Variants in GRID2 observed in about 807,000 individuals in gnomAD.
The protein encoded by GRID2 is glutamate receptor ionotropic, delta-2.
GRID2 carries 33 observed loss-of-function variants against 114.8 expected under a neutral mutation model. That is an observed-to-expected ratio of 0.29 (90% CI 0.22 to 0.38). GRID2 has a LOEUF of 0.38. Ranked by LOEUF, GRID2 falls within the 10% of genes least tolerant of loss-of-function variation. The pLI is 1.00. For synonymous variants in GRID2, 505 were observed against 449.9 expected, an observed-to-expected ratio of 1.12 and a Z score of -1.55; for missense variants, 1,184 against 1,257.7, an observed-to-expected ratio of 0.94 and a Z score of 0.89.
chr4:92,449,804 T>C (rs917455229), intron 1 of GRID2, among the ~76,000 whole-genome samples: 2 of 150,598 alleles, frequency 1.3e-5, no homozygotes, highest in African/African-American at 4.9e-5. Context: ...AATTTTTAAG[T>C]CATGGCTTTA....
At chr4:93,602,780 G>A (rs551158298) in intron 13 of GRID2, among the ~76,000 whole-genome samples, 1 of 152,342 alleles carries the variant, frequency 6.6e-6, no homozygotes, top group African/African-American at 2.4e-5. Context: ...AGAGTCACAT[G>A]TGAGGAAGAC....
At chr4:92,738,469 G>C (rs1002130185) in intron 2 of GRID2, among the ~76,000 whole-genome samples, 5 of 151,970 alleles carry the variant, frequency 3.3e-5, no homozygotes, top group African/African-American at 1.2e-4. Flanking sequence ...TTATGTGTTG[G>C]CTAGGTAACG....
At chr4:93,265,183 A>G (rs1277455872) in intron 8 of GRID2, among the ~76,000 whole-genome samples, 9 of 152,110 alleles carry the variant, frequency 5.9e-5, no homozygotes, top group Non-Finnish European at 8.8e-5. Flanking sequence ...TTTAAAGCTC[A>G]TTTGTCAAAT....
intron 1 of GRID2, among the ~76,000 whole-genome samples, chr4:92,344,348 G>A (rs147261614): frequency 1.6e-4 from 25 of 152,188 alleles, no homozygotes; most frequent in African/African-American, 5.3e-4. Context: ...CTGTGAAAGG[G>A]CTTAGAAATT....
chr4:92,829,860 CT>C (rs1367550623), intron 2 of GRID2, among the ~76,000 whole-genome samples: 1 of 151,932 alleles, frequency 6.6e-6, no homozygotes, highest in African/African-American at 2.4e-5. Context: ...CATGTTCTCA[CT>C]GATAAGTTGG....
intron 13 of GRID2, among the ~76,000 whole-genome samples, chr4:93,520,990 C>T (rs964192347): frequency 1.3e-4 from 20 of 151,878 alleles, no homozygotes; most frequent in Non-Finnish European, 2.5e-4. Flanking sequence ...TGACATGAGG[C>T]GGGGGTGGAC....
chr4:92,990,864 G>A (rs1754858027), intron 2 of GRID2, among the ~76,000 whole-genome samples: 1 of 151,994 alleles, frequency 6.6e-6, no homozygotes, highest in Non-Finnish European at 1.5e-5. Context: ...AAGCATGATA[G>A]CTCTAAAAAA....
At chr4:92,473,911 A>T (rs552884523) in intron 1 of GRID2, among the ~76,000 whole-genome samples, 2 of 151,392 alleles carry the variant, frequency 1.3e-5, no homozygotes, top group South Asian at 4.2e-4. Context: ...TTGTGAAATG[A>T]TTACCACAAT....
At chr4:93,634,846 G>A (rs1359734759) in intron 14 of GRID2, among the ~76,000 whole-genome samples, 1 of 152,064 alleles carries the variant, frequency 6.6e-6, no homozygotes, top group Non-Finnish European at 1.5e-5. Flanking sequence ...TCAAAGAAGT[G>A]CATAAAATCC....
chr4:92,701,166 T>C (rs1417780573), intron 2 of GRID2, among the ~76,000 whole-genome samples: 1 of 152,146 alleles, frequency 6.6e-6, no homozygotes, highest in Non-Finnish European at 1.5e-5. Context: ...ATGAAGATAA[T>C]CTCATAGGGT....
At chr4:93,557,908 C>G (rs141382745) in intron 13 of GRID2, among the ~76,000 whole-genome samples, 1,606 of 152,260 alleles carry the variant, frequency 0.011, 37 homozygotes, top group African/African-American at 0.036. Context: ...ACAGTGCAAT[C>G]AAATTAGAAC....
At chr4:92,336,529 G>T (rs1198480458) in intron 1 of GRID2, among the ~76,000 whole-genome samples, 1 of 152,132 alleles carries the variant, frequency 6.6e-6, no homozygotes, top group Admixed American at 6.6e-5. Context: ...TTTGGCTGCT[G>T]CAGTAACCTC....
At chr4:93,659,065 A>G (rs1723259458) in intron 14 of GRID2, among the ~76,000 whole-genome samples, 2 of 152,088 alleles carry the variant, frequency 1.3e-5, no homozygotes, top group African/African-American at 2.4e-5. Context: ...CACCAGGAAG[A>G]CAGTCTAGCG....
At chr4:93,367,929 A>G (rs111780812) in intron 8 of GRID2, among the ~76,000 whole-genome samples, 2 of 152,318 alleles carry the variant, frequency 1.3e-5, no homozygotes, top group African/African-American at 4.8e-5. Context: ...CAGAAAATTT[A>G]TCAGGAGACA....
In GRID2 at chr4:92,393,311, T is replaced by G. The variant is rs565630942; in HGVS notation, c.88+88567T>G. On this transcript the variant is annotated intron_variant, in intron 1 of 15. Coordinates refer to ENST00000282020, the MANE Select transcript of GRID2 (RefSeq NM_001510.4). ...GGGACAAATATTCAAGTTATATCAATTATTATCTTTCCATCTCCTTTACAT... is the reference window on the plus strand; with the variant it reads ...GGGACAAATATTCAAGTTATATCAAGTATTATCTTTCCATCTCCTTTACAT... 5.3e-5 allele frequency among the ~76,000 whole-genome samples: 8 copies of G among 152,322 alleles called. No homozygotes were observed. In the East Asian group the frequency reaches 1.5e-3, roughly 29 times the overall value.
rs550966643 is a variant in GRID2, at chr4:93,759,825, T to C, written c.2361-9385T>C. On this transcript the variant is annotated intron_variant, in intron 14 of 15. Coordinates refer to ENST00000282020, the MANE Select transcript of GRID2 (RefSeq NM_001510.4). ...TTGTAAATGGATACAGTGGAACACG[T>C]GTTAGCCAAGGGACTTGAGTAGCAG... Among the ~76,000 whole-genome samples the C allele has an allele frequency of 9.2e-5, 14 of 152,278 alleles. No homozygotes were observed. The South Asian group carries it at 2.9e-3, about 32-fold the overall frequency.
At chr4:92,840,502 A>T (rs1742809989) in intron 2 of GRID2, among the ~76,000 whole-genome samples, 1 of 151,880 alleles carries the variant, frequency 6.6e-6, no homozygotes, top group African/African-American at 2.4e-5. Flanking sequence ...TTCAGTCCTC[A>T]ATTATTCCCA....
chr4:92,700,997 A>AAAACAAAAC lies in GRID2; in HGVS notation c.244+110714_244+110715insCAAAACAAA, dbSNP rs796375319. Among the ~76,000 whole-genome samples the AAAACAAAAC allele has an allele frequency of 7.5e-4, 113 of 150,212 alleles. 1 individual carries two copies. Among genetic ancestry groups the AAAACAAAAC allele is most frequent in the African/African-American group, 2.7e-3 (110 of 40,746 alleles). ...CGACAGAGCGAGACTCCATCTCAAA[A>AAAACAAAAC]AAAAAAAAAAAAAGACACATACATT... On this transcript the variant is annotated intron_variant, in intron 2 of 15. Coordinates refer to ENST00000282020, the MANE Select transcript of GRID2 (RefSeq NM_001510.4).
intron 13 of GRID2, among the ~76,000 whole-genome samples, chr4:93,534,558 AG>A (rs1192656787): frequency 6.6e-6 from 1 of 152,142 alleles, no homozygotes; most frequent in Non-Finnish European, 1.5e-5. Flanking sequence ...ATAGATCCCA[AG>A]CACCTTATAG....
Sources: gnomAD v4.1 joint callset for allele counts (sites outside exome capture counted in the v4.1 genomes callset) on GRCh38, gnomAD v4.1.1 for gene constraint, MANE v1.5 for transcripts, NCBI Gene and HGNC (gene_info 2026-07-23, HGNC 2026-07-21) for gene names.